Variants in CC2D2A observed in about 807,000 individuals in gnomAD.
CC2D2A encodes the protein coiled-coil and C2 domain containing 2A.
Under a neutral mutation model 212.9 loss-of-function variants are expected in CC2D2A, and 155 were observed. The observed-to-expected ratio is 0.73, with a 90% CI of 0.64 to 0.83. The LOEUF (loss-of-function observed/expected upper bound fraction) is 0.83, where lower values mean the gene tolerates loss of function less well. Ranked by LOEUF, CC2D2A falls within the 40% of genes least tolerant of loss-of-function variation. The pLI is 0.00. For synonymous variants in CC2D2A, 667 were observed against 686.5 expected, an observed-to-expected ratio of 0.97 and a Z score of 0.44; for missense variants, 1,856 against 1,956.2, an observed-to-expected ratio of 0.95 and a Z score of 0.97.
chr4:15,584,429 T>TGGAAAAATGACATCCACAGGC (rs1299938787), intron 30 of CC2D2A, among the ~76,000 whole-genome samples: 2 of 152,156 alleles, frequency 1.3e-5, no homozygotes, highest in Non-Finnish European at 2.9e-5. Flanking sequence ...TAAATGGTGC[T>TGGAAAAATGACATCCACAGGC]GGAAAAATGA....
intron 35 of CC2D2A, among the ~76,000 whole-genome samples, chr4:15,598,076 C>T (rs766318616): frequency 6.6e-6 from 1 of 152,282 alleles, no homozygotes; most frequent in South Asian, 2.1e-4. Flanking sequence ...GGTTTACACT[C>T]ATTTACTCTC....
chr4:15,526,588 A>G (rs748132405), intron 11 of CC2D2A, among the ~76,000 whole-genome samples: 2 of 152,226 alleles, frequency 1.3e-5, no homozygotes, highest in Admixed American at 6.5e-5. Context: ...TATCATTATC[A>G]TACATTATCA....
At chr4:15,471,493 C>G (rs1713816579) in intron 1 of CC2D2A, among the ~76,000 whole-genome samples, 1 of 152,148 alleles carries the variant, frequency 6.6e-6, no homozygotes, top group African/African-American at 2.4e-5. Context: ...CCCACAATCA[C>G]TTTTTCTTAG....
At chr4:15,530,084 G>T (rs889581448) in intron 13 of CC2D2A, among the ~76,000 whole-genome samples, 1 of 151,302 alleles carries the variant, frequency 6.6e-6, no homozygotes, top group African/African-American at 2.4e-5. Context: ...CCATTCTCCC[G>T]CCTCAGCCTC....
chr4:15,480,750 T>C lies in CC2D2A; in HGVS notation c.170T>C (p.Leu57Pro). 6.2e-7 allele frequency: 1 copy of C among 1,612,778 alleles called. No individual in the cohort carries two copies. Among genetic ancestry groups the C allele is most frequent in the Non-Finnish European group, 8.5e-7 (1 of 1,179,478 alleles). ...GAAATGGTGTCCGAAAAATCCCACC[T>C]TGGCAACCCCCAGGAGCCTGTGCAG... ...PKEMVSEKSH[L>P]GNPQEPVQEE... Residue 57 changes from leucine to proline, a missense_variant, in exon 4 of 37, where the codon CTT (leucine) becomes CCT (proline). Leu to Pro is a moderately conservative substitution (Grantham distance 98). This residue lies in a region of CC2D2A where 1,512 missense variants were observed against 1,579.3 expected (regional missense o/e 0.96). Transcript: ENST00000424120.
Position 15,506,150 on chromosome 4 carries a change from T to C in CC2D2A, c.438+3227T>C, listed in dbSNP as rs148765857. Among the ~76,000 whole-genome samples, 647 of 152,320 alleles carry C rather than the reference T, an allele frequency of 4.2e-3. 5 individuals are homozygous for C. The highest frequency in any genetic ancestry group is 0.015 in the African/African-American group (607 of 41,588). ...GATTGAAATTGAATGTAATTATTACTTTAAGATTATACAAATGTATTATAG... is the reference window on the plus strand; with the variant it reads ...GATTGAAATTGAATGTAATTATTACCTTAAGATTATACAAATGTATTATAG... On this transcript the variant is annotated intron_variant, in intron 6 of 36. Coordinates refer to ENST00000424120, the MANE Select transcript of CC2D2A (RefSeq NM_001378615.1).
chr4:15,473,042 G>C (rs1007777949), intron 1 of CC2D2A, among the ~76,000 whole-genome samples: 3 of 152,180 alleles, frequency 2.0e-5, no homozygotes, highest in African/African-American at 7.2e-5. Context: ...AATCCTCACA[G>C]CAGCCTAGAA....
intron 4 of CC2D2A, among the ~76,000 whole-genome samples, chr4:15,499,316 C>T (rs1412866802): frequency 6.6e-6 from 1 of 152,138 alleles, no homozygotes; most frequent in East Asian, 1.9e-4. Flanking sequence ...ATGTGCCACT[C>T]TGGTGGTGGG....
chr4:15,560,432 G>A (rs1719519566), intron 22 of CC2D2A, 99 bp from the exon 23 acceptor site: 1 of 624,704 alleles, frequency 1.6e-6, no homozygotes, highest in Non-Finnish European at 2.9e-6. Flanking sequence ...GAGGACTGGG[G>A]GGACACTGAG....
intron 30 of CC2D2A, among the ~76,000 whole-genome samples, chr4:15,585,807 A>G (rs1381360566): frequency 6.6e-6 from 1 of 152,100 alleles, no homozygotes; most frequent in Non-Finnish European, 1.5e-5. Context: ...CCTCTCAACC[A>G]GGGCTCCTTA....
At chr4:15,470,950 A>T (rs1713773415) in intron 1 of CC2D2A, among the ~76,000 whole-genome samples, 1 of 152,036 alleles carries the variant, frequency 6.6e-6, no homozygotes, top group Non-Finnish European at 1.5e-5. Context: ...CAGTGGGATG[A>T]CATCCAGGGA....
At chr4:15,568,571 G>A (rs1296091402) in intron 26 of CC2D2A, among the ~76,000 whole-genome samples, 1 of 152,358 alleles carries the variant, frequency 6.6e-6, no homozygotes, top group African/African-American at 2.4e-5. Flanking sequence ...CTTAGCGAGA[G>A]AGCGAGACTC....
rs1429467435 is a variant in CC2D2A, at chr4:15,542,392, G to A, written c.2181+1378G>A. Among the ~76,000 whole-genome samples, 5 of 152,048 alleles carry A rather than the reference G, an allele frequency of 3.3e-5. No homozygotes were observed. In the East Asian group the frequency reaches 9.7e-4, roughly 29 times the overall value. The stretch of plus-strand genomic sequence containing the variant: ...GCCCTTGTTTCCCCACCACCACCCA[G>A]GCAGAAATCACAGATCCTCATCCAT... On this transcript the variant is annotated intron_variant, in intron 17 of 36. Coordinates refer to ENST00000424120, the MANE Select transcript of CC2D2A (RefSeq NM_001378615.1).
intron 11 of CC2D2A, among the ~76,000 whole-genome samples, chr4:15,525,679 T>C (rs1019185470): frequency 6.6e-6 from 1 of 152,154 alleles, no homozygotes; most frequent in African/African-American, 2.4e-5. Context: ...TAAATCCAAG[T>C]GAAGATTCTT....
At chr4:15,488,179 G>A (rs1345299643) in intron 4 of CC2D2A, among the ~76,000 whole-genome samples, 2 of 152,014 alleles carry the variant, frequency 1.3e-5, no homozygotes, top group African/African-American at 2.4e-5. Flanking sequence ...ATTTCTTATT[G>A]CTCATTAGCA....
At chr4:15,524,555 A>T (rs1717403039) in intron 11 of CC2D2A, among the ~76,000 whole-genome samples, 1 of 141,758 alleles carries the variant, frequency 7.1e-6, no homozygotes, top group Non-Finnish European at 1.5e-5. Context: ...GGTTCACGCC[A>T]TTCTCCTGCC....
intron 23 of CC2D2A, among the ~76,000 whole-genome samples, chr4:15,562,201 G>A (rs1238351071): frequency 6.6e-6 from 1 of 152,210 alleles, no homozygotes; most frequent in Admixed American, 6.5e-5. Flanking sequence ...CAGCTGGCAT[G>A]TGCCTCTTGC....
Position 15,599,691 on chromosome 4 carries a change from G to C in CC2D2A, c.4659G>C (p.Gln1553His), listed in dbSNP as rs375083236. Residue 1553 changes from glutamine (Q) to histidine (H), a missense_variant, in exon 36 of 37, where the codon CAG (glutamine) becomes CAC (histidine). Transcript: ENST00000424120. ...EDDHRAELLK[Q>H]LGDYRFSGFP... ...ACCACAGAGCAGAACTGCTAAAACA[G>C]CTGGGAGACTACAGGGTAAGTTACA... 106 of 1,609,554 alleles carry C rather than the reference G, an allele frequency of 6.6e-5. No homozygotes were observed. Among genetic ancestry groups the C allele is most frequent in the Non-Finnish European group, 8.7e-5 (102 of 1,176,862 alleles).
chr4:15,598,841 A>G (rs949076059), intron 35 of CC2D2A, among the ~76,000 whole-genome samples: 2 of 152,182 alleles, frequency 1.3e-5, no homozygotes, highest in Non-Finnish European at 2.9e-5. Flanking sequence ...TATACTACCA[A>G]TGAGTATAGT....
Sources: gnomAD v4.1 joint callset for allele counts (sites outside exome capture counted in the v4.1 genomes callset) on GRCh38, gnomAD v4.1.1 for gene constraint, gnomAD v4.1.1 regional missense constraint, MANE v1.5 for transcripts, NCBI Gene and HGNC (gene_info 2026-07-23, HGNC 2026-07-21) for gene names.